The following GABRR3 variants were observed in gnomAD, a reference collection of about 807,000 sequenced individuals.
The protein encoded by GABRR3 is gamma-aminobutyric acid type A receptor subunit rho3.
GABRR3 carries 29 observed loss-of-function variants against 43.2 expected under a neutral mutation model. The ratio of observed to expected loss-of-function variants is 0.67; its 90% CI spans 0.50 to 0.92. The LOEUF (loss-of-function observed/expected upper bound fraction) is 0.92. GABRR3 is among the 40% of genes least tolerant of loss of function. The pLI is 0.00. For missense variants in GABRR3, 576 were observed against 572.3 expected, an observed-to-expected ratio of 1.01 and a Z score of -0.07; for synonymous variants, 206 against 195.9, an observed-to-expected ratio of 1.05 and a Z score of -0.43.
chr3:98,021,881 A>G (rs748987586), intron 3 of GABRR3, among the ~76,000 whole-genome samples: 14 of 152,226 alleles, frequency 9.2e-5, no homozygotes, highest in Non-Finnish European at 1.6e-4. Flanking sequence ...AGTTCATTAT[A>G]TAATATATCA....
chr3:97,986,644 T>G (rs1706388921), downstream of GABRR3: 2 of 1,348,494 alleles, frequency 1.5e-6, no homozygotes, highest in Admixed American at 2.5e-5. Flanking sequence ...TTTTTAAACA[T>G]CATCTGGCTT....
chr3:98,001,477 A>G, intron 8 of GABRR3, 138 bp downstream of exon 8: 1 of 886,992 alleles, frequency 1.1e-6, no homozygotes, highest in South Asian at 1.9e-5. Context: ...CAAGATCGAT[A>G]CTGCAACCTG....
intron 3 of GABRR3, among the ~76,000 whole-genome samples, chr3:98,019,434 A>G (rs1289202335): frequency 6.6e-6 from 1 of 151,910 alleles, no homozygotes; most frequent in Non-Finnish European, 1.5e-5. Context: ...CCTCGGTATC[A>G]TTTTTTTACT....
intron 3 of GABRR3, 42 bp downstream of exon 3, chr3:98,025,525 T>C (rs1707001459): frequency 3.0e-6 from 4 of 1,354,510 alleles, no homozygotes; most frequent in Admixed American, 4.0e-5. Context: ...ATTTTGACAG[T>C]GCAATGGGTT....
intron 6 of GABRR3, among the ~76,000 whole-genome samples, chr3:98,008,371 G>A (rs1706748975): frequency 6.6e-6 from 1 of 152,228 alleles, no homozygotes; most frequent in African/African-American, 2.4e-5. Flanking sequence ...TTCTAATGGA[G>A]TTAGGGCGGA....
At chr3:98,018,716 A>G (rs1360335745) in intron 3 of GABRR3, among the ~76,000 whole-genome samples, 1 of 152,132 alleles carries the variant, frequency 6.6e-6, no homozygotes, top group South Asian at 2.1e-4. Context: ...ATTAAACCTT[A>G]TTGTCTCTAT....
chr3:98,031,231 A>T (rs1688360), intron 2 of GABRR3, among the ~76,000 whole-genome samples: 71,890 of 152,000 alleles, frequency 0.47, 17,217 homozygotes, highest in East Asian at 0.54. Context: ...CCCACATCTC[A>T]CTTGGGTCTC....
exon 8 of GABRR3, chr3:98,001,738 C>T (rs1403636675): frequency 5.6e-6 from 9 of 1,613,094 alleles, no homozygotes; most frequent in African/African-American, 1.3e-5. Context: ...CTCCTTAGCA[C>T]AAAGTTGATG....
intron 2 of GABRR3, among the ~76,000 whole-genome samples, chr3:98,028,306 T>C (rs1654624233): frequency 6.6e-6 from 1 of 152,242 alleles, no homozygotes; most frequent in African/African-American, 2.4e-5. Context: ...TGGAAGTACA[T>C]GGAATTTGAA....
chr3:97,996,706 G>A (rs1239326839), intron 8 of GABRR3, among the ~76,000 whole-genome samples: 1 of 152,152 alleles, frequency 6.6e-6, no homozygotes, highest in Non-Finnish European at 1.5e-5. Flanking sequence ...CTTTATAATT[G>A]TCTCACACTC....
At chr3:98,012,109 A>G (rs557782587) in intron 5 of GABRR3, among the ~76,000 whole-genome samples, 2 of 152,342 alleles carry the variant, frequency 1.3e-5, no homozygotes, top group Non-Finnish European at 2.9e-5. Context: ...AATTCAGCTC[A>G]TTCTATTTGT....
At chr3:97,990,241 A>G (rs1181555053) in intron 9 of GABRR3, among the ~76,000 whole-genome samples, 1 of 152,196 alleles carries the variant, frequency 6.6e-6, no homozygotes, top group Non-Finnish European at 1.5e-5. Context: ...TGTGAAGTAC[A>G]TGGGGAAGAA....
Position 98,028,517 on chromosome 3 carries a change from C to T in GABRR3, c.126-2838G>A, listed in dbSNP as rs542220860. ...CCATTAAGAAAAGTACAGCATCATCCGCTATCTCAACAACAATATTTGTAA... is the reference window on the plus strand; with the variant it reads ...CCATTAAGAAAAGTACAGCATCATCTGCTATCTCAACAACAATATTTGTAA... On this transcript the variant is annotated intron_variant, in intron 2 of 9. Transcript: ENST00000621172. 1.4e-4 allele frequency among the ~76,000 whole-genome samples: 22 copies of T among 152,194 alleles called. No individual in the cohort carries two copies. In the South Asian group the frequency reaches 3.9e-3, roughly 27 times the overall value.
At chr3:97,993,570 T>G (rs1706499810) in intron 8 of GABRR3, among the ~76,000 whole-genome samples, 1 of 152,208 alleles carries the variant, frequency 6.6e-6, no homozygotes, top group African/African-American at 2.4e-5. Flanking sequence ...AGAAAATACT[T>G]AAAAAGCCAT....
intron 4 of GABRR3, among the ~76,000 whole-genome samples, chr3:98,017,143 G>A (rs1232079960): frequency 2.0e-5 from 3 of 151,956 alleles, no homozygotes; most frequent in Non-Finnish European, 2.9e-5. Context: ...AAAATATAAG[G>A]GAGTAGACAA....
chr3:98,003,323 T>G (rs145349900), intron 7 of GABRR3, among the ~76,000 whole-genome samples: 1 of 151,968 alleles, frequency 6.6e-6, no homozygotes, highest in African/African-American at 2.4e-5. Context: ...AAGACAGTAT[T>G]AAGGTATATA....
chr3:98,013,875 C>T (rs1035591612), intron 4 of GABRR3, among the ~76,000 whole-genome samples: 153 of 152,148 alleles, frequency 1.0e-3, no homozygotes, highest in Non-Finnish European at 2.8e-4. Flanking sequence ...ACTGGGCAAA[C>T]ACTGAGTTTA....
At chr3:98,013,011 C>A (rs1576044502) in intron 4 of GABRR3, among the ~76,000 whole-genome samples, 1 of 152,242 alleles carries the variant, frequency 6.6e-6, no homozygotes, top group African/African-American at 2.4e-5. Flanking sequence ...AAGAAGTTTT[C>A]CCAAATCGAA....
At chr3:98,002,620 T>C (rs1458439206) in intron 7 of GABRR3, among the ~76,000 whole-genome samples, 1 of 152,206 alleles carries the variant, frequency 6.6e-6, no homozygotes, top group Non-Finnish European at 1.5e-5. Flanking sequence ...ATTACCTTGC[T>C]TTATTTCACA....
Sources: gnomAD v4.1 joint callset for allele counts (sites outside exome capture counted in the v4.1 genomes callset) on GRCh38, gnomAD v4.1.1 for gene constraint, MANE v1.5 for transcripts, NCBI Gene and HGNC (gene_info 2026-07-23, HGNC 2026-07-21) for gene names.